B4GALNT4: variants seen among roughly 807,000 people sequenced by gnomAD.
The protein encoded by B4GALNT4 is beta-1,4-N-acetyl-galactosaminyltransferase 4, also known as N-acetyl-beta-glucosaminyl-glycoprotein 4-beta-N-acetylgalactosaminyltransferase 1.
In B4GALNT4, 77 loss-of-function variants were observed where a neutral mutation model predicts 110.0. That is an observed-to-expected ratio of 0.70 (90% CI 0.58 to 0.85). The LOEUF is 0.85. B4GALNT4 is among the 40% of genes least tolerant of loss of function. B4GALNT4 has a pLI of 0.00. For missense variants in B4GALNT4, 1,575 were observed against 1,506.0 expected (o/e 1.05, Z -0.76); for synonymous variants, 785 against 655.5 (o/e 1.20, Z -3.02).
chr11:374,030 A>AG (rs1254359944), intron 8 of B4GALNT4, among the ~76,000 whole-genome samples: 3 of 151,964 alleles, frequency 2.0e-5, no homozygotes, highest in African/African-American at 7.3e-5. Flanking sequence ...GAGTCTTGAG[A>AG]GGATGGAGAC....
At chr11:371,933 GA>G (rs1017777936) in intron 1 of B4GALNT4, among the ~76,000 whole-genome samples, 175 bp from the exon 2 acceptor site, 10 of 152,228 alleles carry the variant, frequency 6.6e-5, no homozygotes, top group African/African-American at 2.2e-4. Context: ...TTGCTGGGGG[GA>G]GGGGCATCTG....
Position 377,104 on chromosome 11 carries a change from T to A in B4GALNT4, c.1981T>A (p.Ser661Thr). The change falls in exon 14 of 20, where the codon TCG (serine) becomes ACG (threonine). Residue 661 changes from serine to threonine, a missense_variant. Coordinates refer to ENST00000329962, the MANE Select transcript of B4GALNT4 (RefSeq NM_178537.5). ...DDGAPGDEAA[S>T]EDSEEAAGPA... ...TGGGGCCCCGGGCGACGAGGCCGCG[T>A]CGGAGGACAGCGAGGAGGCCGCGGG... 6.8e-7 allele frequency: 1 copy of A among 1,475,240 alleles called. No individual in the cohort carries two copies. Among genetic ancestry groups the A allele is most frequent in the South Asian group, 1.4e-5 (1 of 73,670 alleles). The allele number at this position is 1,475,240 out of a possible 1,614,324, so 91.4% of individuals were successfully genotyped here.
In B4GALNT4 at chr11:375,551, T is replaced by TG. The variant is rs537114559; in HGVS notation, c.850+25dup. 213 of 1,608,100 alleles carry TG rather than the reference T, an allele frequency of 1.3e-4. 2 individuals are homozygous for TG. The South Asian group carries it at 2.0e-3, about 15-fold the overall frequency. On this transcript the variant is annotated intron_variant, in intron 9 of 19. Coordinates refer to ENST00000329962, the MANE Select transcript of B4GALNT4 (RefSeq NM_178537.5). ...AGGTGCGAGCGGACGCCTCTGGGGA[T>TG]GTGGGGCTCCTCGGGATGGGCTCTG... is the stretch of plus-strand genomic sequence containing the variant.
chr11:376,350 C>G lies in B4GALNT4; in HGVS notation c.1296C>G (p.Asp432Glu), dbSNP rs200975874. The G allele has an allele frequency of 3.7e-6, 6 of 1,606,764 alleles. No homozygotes were observed. The South Asian group carries it at 6.6e-5, about 18-fold the overall frequency. The change falls in exon 13 of 20, where the codon GAC (aspartate) becomes GAG (glutamate). Residue 432 changes from aspartate (D) to glutamate (E), a missense_variant and splice_region_variant. Asp to Glu is a conservative substitution (Grantham distance 45, BLOSUM62 2). Coordinates refer to ENST00000329962, the MANE Select transcript of B4GALNT4 (RefSeq NM_178537.5). ...GAGCCTTCCTCTTCCTCAACCCGGA[C>G]GGTGAGTGTCCGCAGCGCCCCTGGC... ...QRRAFLFLNP[D>E]DFLDDEDEGE...
Position 376,591 on chromosome 11 carries a change from CACTCCCGGGCCCTGAGCT to C in B4GALNT4, c.1469_1486del (p.His490_Trp496delinsArg), listed in dbSNP as rs1846759890. 7.4e-7 allele frequency: 1 copy of C among 1,356,142 alleles called. No individual in the cohort carries two copies. Among genetic ancestry groups the C allele is most frequent in the Non-Finnish European group, 9.4e-7 (1 of 1,061,966 alleles). The allele number at this position is 1,356,142 out of a possible 1,614,324, so 84.0% of individuals were successfully genotyped here. On this transcript the variant is annotated inframe_deletion, in exon 14 of 20. Transcript: ENST00000329962. ...CCCCCGGGACGGGGGGACCCCCAGG[CACTCCCGGGCCCTGAGCT>C]GGGCCGCCAGGGCCGCCCGCCCTTT...
chr11:371,311 G>A (rs1036724613), intron 1 of B4GALNT4, among the ~76,000 whole-genome samples: 1 of 152,106 alleles, frequency 6.6e-6, no homozygotes, highest in African/African-American at 2.4e-5. Flanking sequence ...AGCCCTGGGG[G>A]ACCCTTCCCA....
At chr11:373,578 G>A (rs1590335868) in intron 7 of B4GALNT4, 62 bp downstream of exon 7, 1 of 1,574,112 alleles carries the variant, frequency 6.4e-7, no homozygotes, top group East Asian at 2.2e-5. Flanking sequence ...GTTACGCGCT[G>A]TCTCCTTATC....
At chr11:371,980 G>A (rs571732406) in intron 1 of B4GALNT4, 129 bp from the exon 2 acceptor site, 6 of 684,796 alleles carry the variant, frequency 8.8e-6, no homozygotes, top group African/African-American at 3.6e-5. Flanking sequence ...AGAGGCTTTA[G>A]TGAGAGACAC....
At chr11:370,767 C>T (rs2119632829) in intron 1 of B4GALNT4, among the ~76,000 whole-genome samples, 1 of 152,206 alleles carries the variant, frequency 6.6e-6, no homozygotes, top group East Asian at 1.9e-4. Context: ...AGCTGGCTGC[C>T]TCTGAGCCTT....
chr11:377,368 G>GCGGGGACAGC, intron 14 of B4GALNT4, 41 bp downstream of exon 14: 2 of 1,456,772 alleles, frequency 1.4e-6, no homozygotes, highest in Non-Finnish European at 1.8e-6. Flanking sequence ...GGTTTTGGAG[G>GCGGGGACAGC]CGGGGACAGC....
At chr11:375,416 C>G in intron 8 of B4GALNT4, 45 bp from the exon 9 acceptor site, 2 of 1,603,698 alleles carry the variant, frequency 1.2e-6, no homozygotes, top group South Asian at 1.1e-5. Flanking sequence ...TTCCCTGGAC[C>G]CAGCCACCGC....
Position 369,769 on chromosome 11 carries a change from G to T in B4GALNT4, c.-35G>T. 8 of 967,158 alleles carry T rather than the reference G, an allele frequency of 8.3e-6. No individual in the cohort carries two copies. Among genetic ancestry groups the T allele is most frequent in the Non-Finnish European group, 9.8e-6 (8 of 817,012 alleles). 59.9% of individuals were successfully genotyped at this position (967,158 alleles called of 1,614,324 possible). The stretch of plus-strand genomic sequence containing the variant: ...GGGGGCCGGGGGCTGCAGCGGCGCC[G>T]CTGAGCGCGGCCTGGGGCGGGCGCG... On this transcript the variant is annotated 5_prime_UTR_variant, in exon 1 of 20. Coordinates refer to ENST00000329962, the MANE Select transcript of B4GALNT4 (RefSeq NM_178537.5).
intron 14 of B4GALNT4, among the ~76,000 whole-genome samples, chr11:378,755 C>T (rs1464062912): frequency 1.3e-5 from 2 of 151,990 alleles, no homozygotes; most frequent in Non-Finnish European, 2.9e-5. Flanking sequence ...GGGCCAGGAA[C>T]GGGCTCCCAG....
Position 381,696 on chromosome 11 carries a change from G to C in B4GALNT4, c.3024G>C (p.Glu1008Asp). The stretch of plus-strand genomic sequence containing the variant: ...TCCTGCAGGCAGGGCTGGAGGTGGA[G>C]CGGCTCCGACTGCGGAATTTCTATC... ...DRVLQAGLEV[E>D]RLRLRNFYHH... The change falls in exon 20 of 20, where the codon GAG becomes GAC. Residue 1008 changes from glutamate (E) to aspartate (D), a missense_variant. Coordinates refer to ENST00000329962, the MANE Select transcript of B4GALNT4 (RefSeq NM_178537.5). The C allele has an allele frequency of 6.3e-7, 1 of 1,593,826 alleles. No homozygotes were observed. Among genetic ancestry groups the C allele is most frequent in the Admixed American group, 1.8e-5 (1 of 57,114 alleles).
Position 375,733 on chromosome 11 carries a change from A to G in B4GALNT4, c.945A>G (p.Ala315=), listed in dbSNP as rs1215185256. 4 of 1,596,844 alleles carry G rather than the reference A, an allele frequency of 2.5e-6. No homozygotes were observed. The highest frequency in any genetic ancestry group is 3.3e-5 in the Admixed American group (2 of 59,780). The change falls in exon 10 of 20, where the codon GCA becomes GCG. Residue 315 remains alanine (A), a synonymous_variant. Coordinates refer to ENST00000329962, the MANE Select transcript of B4GALNT4 (RefSeq NM_178537.5). ...GTCCGCCGCAGGAGGAGACCAGCGC[A>G]GACATGCTGCGGCCAGATCCCAGGG... The part of the protein sequence containing the change: ...GGRPPQEETS[A]DMLRPDPRDT...
intron 11 of B4GALNT4, 49 bp from the exon 12 acceptor site, chr11:376,025 C>T: frequency 1.9e-6 from 3 of 1,602,192 alleles, no homozygotes; most frequent in Non-Finnish European, 2.6e-6. Context: ...CCTTGGGAGG[C>T]CGCCCCGGGA....
At position 370,164 on chromosome 11, in the gene B4GALNT4, C is replaced by A. The variant is rs541365838; in HGVS notation, c.151+210C>A. On this transcript the variant is annotated intron_variant, in intron 1 of 19. Transcript: ENST00000329962. ...CGCTCTGCGATTTGGGGGGAGGGGG[C>A]GCGGTTCGGCTCGGCCCGGACGCTC... is the stretch of plus-strand genomic sequence containing the variant. Among the ~76,000 whole-genome samples, 24 of 151,782 alleles carry A rather than the reference C, an allele frequency of 1.6e-4. No homozygotes were observed. The South Asian group carries it at 5.0e-3, about 32-fold the overall frequency.
Position 380,193 on chromosome 11 carries a change from C to T in B4GALNT4, c.2706C>T (p.Asp902=), listed in dbSNP as rs777258020. 5.0e-6 allele frequency: 8 copies of T among 1,602,514 alleles called. No homozygotes were observed. Among genetic ancestry groups the T allele is most frequent in the Non-Finnish European group, 6.0e-6 (7 of 1,172,466 alleles). ...ERSAGLQAGV[D]AVEDASSIVF... is the part of the protein sequence containing the mutation. ...CCGCCGGGCTGCAGGCGGGAGTGGA[C>T]GCGGTAGAGGTCCGAGGGCCCCATG... The change falls in exon 17 of 20, where the codon GAC becomes GAT. Residue 902 remains aspartate (D), a synonymous_variant. Transcript: ENST00000329962.
In B4GALNT4 at chr11:373,128, A is replaced by AG; in HGVS notation, c.535+15dup. ...CCCGGCGAGGGACGGTACGGGGGTG[A>AG]GGGTGCCCCGGGGGAGGGGTGCCGT... On this transcript the variant is annotated intron_variant, in intron 5 of 19. Coordinates refer to ENST00000329962, the MANE Select transcript of B4GALNT4 (RefSeq NM_178537.5). 2.5e-6 allele frequency: 4 copies of AG among 1,612,266 alleles called. No individual in the cohort carries two copies. The highest frequency in any genetic ancestry group is 3.4e-6 in the Non-Finnish European group (4 of 1,179,808).
Sources: allele counts gnomAD v4.1 joint callset (sites outside exome capture counted in the v4.1 genomes callset), GRCh38; gene constraint gnomAD v4.1.1; transcripts MANE v1.5; gene names NCBI Gene and HGNC (gene_info 2026-07-23, HGNC 2026-07-21).